Variants in IGF2BP2 observed in about 807,000 individuals in gnomAD.
The protein encoded by IGF2BP2 is insulin like growth factor 2 mRNA binding protein 2.
A neutral mutation model predicts 75.8 loss-of-function variants in IGF2BP2; 17 were observed. That is an observed-to-expected ratio of 0.22 (90% CI 0.15 to 0.34). IGF2BP2 has a LOEUF of 0.34. Ranked by LOEUF, IGF2BP2 falls within the 10% of genes least tolerant of loss-of-function variation. The pLI is 1.00. For synonymous variants in IGF2BP2, 288 were observed against 295.6 expected (o/e 0.97, Z 0.26); for missense variants, 516 against 772.4 (o/e 0.67, Z 3.93).
chr3:185,795,493 T>C (rs1170195726), intron 2 of IGF2BP2, among the ~76,000 whole-genome samples: 5 of 152,244 alleles, frequency 3.3e-5, no homozygotes, highest in African/African-American at 1.2e-4. Flanking sequence ...CACCTGGCAG[T>C]GAAATTGCTG....
At chr3:185,707,077 T>C (rs560213242) in intron 2 of IGF2BP2, among the ~76,000 whole-genome samples, 1 of 151,834 alleles carries the variant, frequency 6.6e-6, no homozygotes, top group East Asian at 2.0e-4. Context: ...GGACATCACT[T>C]AGTCAGATGT....
chr3:185,820,301 A>C (rs1042952646), intron 2 of IGF2BP2, among the ~76,000 whole-genome samples: 3 of 151,342 alleles, frequency 2.0e-5, no homozygotes, highest in Non-Finnish European at 4.4e-5. Flanking sequence ...CTTCAACAAC[A>C]CCAAAAATGA....
intron 7 of IGF2BP2, among the ~76,000 whole-genome samples, chr3:185,682,026 A>C (rs531657146): frequency 6.6e-6 from 1 of 151,648 alleles, no homozygotes; most frequent in East Asian, 1.9e-4. Flanking sequence ...CATGATACCA[A>C]AAGCATAGGC....
chr3:185,686,956 G>A (rs1423269524), intron 7 of IGF2BP2, 101 bp downstream of exon 7: 1 of 1,316,024 alleles, frequency 7.6e-7, no homozygotes, highest in East Asian at 2.3e-5. Context: ...CTGTTACTGA[G>A]TAACAGATTT....
At chr3:185,804,044 G>A (rs1437803780) in intron 2 of IGF2BP2, among the ~76,000 whole-genome samples, 2 of 151,928 alleles carry the variant, frequency 1.3e-5, no homozygotes, top group Non-Finnish European at 2.9e-5. Flanking sequence ...GGATCACGAG[G>A]TCAGGAGCTC....
intron 2 of IGF2BP2, among the ~76,000 whole-genome samples, chr3:185,807,105 A>G (rs1739126045): frequency 6.6e-6 from 1 of 152,234 alleles, no homozygotes; most frequent in African/African-American, 2.4e-5. Flanking sequence ...GCAGAAAAGT[A>G]ACAAACAACT....
intron 2 of IGF2BP2, among the ~76,000 whole-genome samples, chr3:185,786,823 T>A (rs1735960121): frequency 6.6e-6 from 1 of 152,192 alleles, no homozygotes; most frequent in Admixed American, 6.5e-5. Flanking sequence ...AAAGATTAGA[T>A]CTACAGCAGG....
chr3:185,726,012 T>TG (rs1727277785), intron 2 of IGF2BP2, among the ~76,000 whole-genome samples: 1 of 152,218 alleles, frequency 6.6e-6, no homozygotes, highest in African/African-American at 2.4e-5. Context: ...AGCTGAACAC[T>TG]GGTGTTGGTT....
intron 2 of IGF2BP2, among the ~76,000 whole-genome samples, chr3:185,740,146 C>A (rs2149561104): frequency 6.6e-6 from 1 of 152,176 alleles, no homozygotes; most frequent in Admixed American, 6.5e-5. Context: ...CCATACCCGG[C>A]CTTTTTATTT....
intron 10 of IGF2BP2, 81 bp downstream of exon 10, chr3:185,672,460 T>G (rs1469176137): frequency 2.1e-6 from 3 of 1,403,458 alleles, no homozygotes; most frequent in Non-Finnish European, 2.9e-6. Context: ...AAGCTTCCGT[T>G]CTGATTCCAC....
intron 2 of IGF2BP2, among the ~76,000 whole-genome samples, chr3:185,719,366 G>A (rs914011601): frequency 6.6e-6 from 1 of 152,194 alleles, no homozygotes; most frequent in Non-Finnish European, 1.5e-5. Context: ...GAATAAAGGT[G>A]CTAACAAGAT....
At chr3:185,765,921 G>A (rs930066222) in intron 2 of IGF2BP2, among the ~76,000 whole-genome samples, 2 of 152,194 alleles carry the variant, frequency 1.3e-5, no homozygotes, top group Admixed American at 6.5e-5. Flanking sequence ...GCCAAAGAAG[G>A]GAATGAGGCA....
At chr3:185,788,810 G>A (rs961090257) in intron 2 of IGF2BP2, among the ~76,000 whole-genome samples, 6 of 149,930 alleles carry the variant, frequency 4.0e-5, no homozygotes, top group Non-Finnish European at 5.9e-5. Context: ...CACCTCCTGG[G>A]TTCAAAGTAA....
intron 2 of IGF2BP2, among the ~76,000 whole-genome samples, chr3:185,807,174 G>A (rs1560502007): frequency 1.3e-5 from 2 of 152,056 alleles, no homozygotes; most frequent in African/African-American, 2.4e-5. Flanking sequence ...AAAAAAATCA[G>A]GTTTCTGAGA....
At chr3:185,815,524 G>A (rs759644188) in intron 2 of IGF2BP2, among the ~76,000 whole-genome samples, 6 of 152,156 alleles carry the variant, frequency 3.9e-5, no homozygotes, top group Non-Finnish European at 7.3e-5. Context: ...GTGTAAGAAG[G>A]ATAAAGACGG....
At position 185,649,525 on chromosome 3, in the gene IGF2BP2, G is replaced by A. The variant is rs1160344547; in HGVS notation, c.1471C>T (p.Arg491Trp). ...TCCTCTTTCAGTTTCCCAAAGATCC[G>A]TCCCTGGGCCTGAGAGAGCAAGACA... ...PPEAQFKAQG[R>W]IFGKLKEENF... Residue 491 changes from arginine to tryptophan, a missense_variant, in exon 14 of 16, where the codon CGG becomes TGG. Physicochemically the swap from Arg to Trp is moderately radical, Grantham distance 101. Coordinates refer to ENST00000382199, the MANE Select transcript of IGF2BP2 (RefSeq NM_006548.6). The A allele has an allele frequency of 6.8e-6, 11 of 1,613,930 alleles. No homozygotes were observed. The highest frequency in any genetic ancestry group is 4.0e-5 in the African/African-American group (3 of 74,886).
intron 2 of IGF2BP2, among the ~76,000 whole-genome samples, chr3:185,736,822 A>T (rs1345122917): frequency 6.6e-6 from 1 of 152,226 alleles, no homozygotes; most frequent in African/African-American, 2.4e-5. Flanking sequence ...GATTGTAACA[A>T]GAGTTTTCCT....
intron 2 of IGF2BP2, among the ~76,000 whole-genome samples, chr3:185,741,806 T>C (rs1365435256): frequency 6.6e-6 from 1 of 152,212 alleles, no homozygotes; most frequent in African/African-American, 2.4e-5. Context: ...GGTAAGCATG[T>C]TATATCTATG....
intron 2 of IGF2BP2, among the ~76,000 whole-genome samples, chr3:185,737,462 G>C (rs942705989): frequency 1.3e-5 from 2 of 151,912 alleles, no homozygotes; most frequent in African/African-American, 4.8e-5. Flanking sequence ...CACCTTTTTT[G>C]GCTTGATCAA....
Sources: allele counts gnomAD v4.1 joint callset (sites outside exome capture counted in the v4.1 genomes callset), GRCh38; gene constraint gnomAD v4.1.1; transcripts MANE v1.5; gene names NCBI Gene and HGNC (gene_info 2026-07-23, HGNC 2026-07-21).